ARHGAP15: variants seen among roughly 807,000 people sequenced by gnomAD.
The protein encoded by ARHGAP15 is rho GTPase-activating protein 15.
ARHGAP15 carries 51 observed loss-of-function variants against 63.7 expected under a neutral mutation model. The ratio of observed to expected loss-of-function variants is 0.80; its 90% CI spans 0.64 to 1.01. ARHGAP15 has a LOEUF of 1.01. ARHGAP15 is among the 50% of genes least tolerant of loss of function. The pLI is 0.00. For synonymous variants in ARHGAP15, 191 were observed against 193.8 expected (o/e 0.99, Z 0.12); for missense variants, 560 against 564.6 (o/e 0.99, Z 0.08).
intron 10 of ARHGAP15, among the ~76,000 whole-genome samples, chr2:143,553,599 A>T (rs150767508): frequency 6.6e-6 from 1 of 152,282 alleles, no homozygotes; most frequent in Non-Finnish European, 1.5e-5. Flanking sequence ...GCCAAAAGAA[A>T]GTTGTGTTAT....
chr2:143,147,365 C>G (rs529301013), intron 1 of ARHGAP15, among the ~76,000 whole-genome samples: 1 of 152,028 alleles, frequency 6.6e-6, no homozygotes, highest in African/African-American at 2.4e-5. Flanking sequence ...ACGCAAGAGG[C>G]GGAAAATCGC....
intron 2 of ARHGAP15, among the ~76,000 whole-genome samples, chr2:143,192,125 TATTCATTCCA>T (rs1483571321): frequency 6.6e-6 from 1 of 152,260 alleles, no homozygotes; most frequent in Non-Finnish European, 1.5e-5. Flanking sequence ...ATGACAGCTC[TATTCATTCCA>T]CAATGTCAAA....
At chr2:143,508,992 C>A (rs1436310694) in intron 9 of ARHGAP15, among the ~76,000 whole-genome samples, 1 of 152,168 alleles carries the variant, frequency 6.6e-6, no homozygotes, top group East Asian at 1.9e-4. Context: ...GAACTTTTCT[C>A]TTCTGTCAGT....
At chr2:143,563,089 G>A (rs1277462191) in intron 11 of ARHGAP15, among the ~76,000 whole-genome samples, 1 of 152,132 alleles carries the variant, frequency 6.6e-6, no homozygotes, top group East Asian at 1.9e-4. Flanking sequence ...TTGAAGGATC[G>A]ACCTCTTTAT....
intron 6 of ARHGAP15, among the ~76,000 whole-genome samples, chr2:143,336,240 T>C (rs982190402): frequency 3.9e-5 from 6 of 152,238 alleles, no homozygotes; most frequent in Admixed American, 3.3e-4. Context: ...GTAAATGTTA[T>C]GCCACAAACT....
At chr2:143,417,849 C>T (rs756043384) in intron 6 of ARHGAP15, among the ~76,000 whole-genome samples, 12 of 152,122 alleles carry the variant, frequency 7.9e-5, no homozygotes, top group South Asian at 2.1e-4. Context: ...ATCCAAATGT[C>T]ATAATATTAC....
intron 8 of ARHGAP15, among the ~76,000 whole-genome samples, chr2:143,444,299 A>C (rs958902918): frequency 6.6e-6 from 1 of 151,832 alleles, no homozygotes; most frequent in Non-Finnish European, 1.5e-5. Context: ...TAAACAAAAG[A>C]AAAAAAAAGA....
At chr2:143,522,139 A>C (rs543076554) in intron 10 of ARHGAP15, 2 of 152,280 alleles carry the variant, frequency 1.3e-5, no homozygotes, top group South Asian at 4.2e-4. Context: ...TCTACCAATA[A>C]ACTGAATGTG....
At chr2:143,407,902 G>T (rs1688270808) in intron 6 of ARHGAP15, among the ~76,000 whole-genome samples, 1 of 145,220 alleles carries the variant, frequency 6.9e-6, no homozygotes, top group African/African-American at 2.5e-5. Flanking sequence ...AGTTTTCCTA[G>T]AAAAAATTGT....
chr2:143,703,532 G>A lies in ARHGAP15; in HGVS notation c.1244+8G>A. The A allele has an allele frequency of 6.3e-7, 1 of 1,589,750 alleles. No homozygotes were observed. The highest frequency in any genetic ancestry group is 8.6e-7 in the Non-Finnish European group (1 of 1,167,284). On this transcript the variant is annotated splice_region_variant and intron_variant, in intron 13 of 13. Coordinates refer to ENST00000295095, the MANE Select transcript of ARHGAP15 (RefSeq NM_018460.4). ...CTTTGGACATCTAACTAAGTAAGTT[G>A]TAAGGATTTCTGGATGTGTCATTTT...
At chr2:143,324,524 G>A (rs1013966386) in intron 6 of ARHGAP15, among the ~76,000 whole-genome samples, 3 of 152,304 alleles carry the variant, frequency 2.0e-5, no homozygotes, top group African/African-American at 7.2e-5. Flanking sequence ...AGGAAATGAA[G>A]GCAGAGTAGA....
At chr2:143,624,684 T>G (rs1343762398) in intron 12 of ARHGAP15, among the ~76,000 whole-genome samples, 1 of 152,154 alleles carries the variant, frequency 6.6e-6, no homozygotes, top group Non-Finnish European at 1.5e-5. Context: ...ATGAAATATG[T>G]GTTAAATTAT....
chr2:143,510,121 G>A (rs533979416), intron 9 of ARHGAP15, among the ~76,000 whole-genome samples: 2 of 147,258 alleles, frequency 1.4e-5, no homozygotes, highest in African/African-American at 5.0e-5. Context: ...AAAAACTAAT[G>A]TAATTTATAG....
chr2:143,204,229 A>G (rs1461531662), intron 3 of ARHGAP15, among the ~76,000 whole-genome samples: 2 of 152,108 alleles, frequency 1.3e-5, no homozygotes, highest in Non-Finnish European at 2.9e-5. Flanking sequence ...TTTATTTTCA[A>G]CACAACAGTG....
rs953218471 is a variant in ARHGAP15 at position 143,145,933 on chromosome 2, A to C, written c.-14-9544A>C. Among the ~76,000 whole-genome samples the C allele has an allele frequency of 4.6e-5, 7 of 151,144 alleles. No individual in the cohort carries two copies. In the East Asian group the frequency reaches 1.2e-3, roughly 25 times the overall value. Reference sequence around the variant, plus strand: ...TTATTTCCATATGGAATATATATATATCTCACACCAAACACAAACATTATT... The same window carrying C: ...TTATTTCCATATGGAATATATATATCTCTCACACCAAACACAAACATTATT... On this transcript the variant is annotated intron_variant, in intron 1 of 13. Coordinates refer to ENST00000295095, the MANE Select transcript of ARHGAP15 (RefSeq NM_018460.4).
intron 12 of ARHGAP15, chr2:143,641,401 C>T (rs1202471551): frequency 2.6e-5 from 4 of 152,062 alleles, no homozygotes; most frequent in Non-Finnish European, 5.9e-5. Context: ...GATTTGCTAT[C>T]GGTTTTTACA....
chr2:143,725,344 GA>G lies in ARHGAP15; in HGVS notation c.1244+21824del, dbSNP rs550932575. ...TTAACTGACATTTTGGAATTCACCTGAAAACACCAAGAATTTGCCAAGACAA... is the reference window on the plus strand; with the variant it reads ...TTAACTGACATTTTGGAATTCACCTGAAACACCAAGAATTTGCCAAGACAA... On this transcript the variant is annotated intron_variant, in intron 13 of 13. Coordinates refer to ENST00000295095, the MANE Select transcript of ARHGAP15 (RefSeq NM_018460.4). 1.1e-3 allele frequency among the ~76,000 whole-genome samples: 166 copies of G among 152,284 alleles called. 2 individuals carry two copies. The highest frequency in any genetic ancestry group is 3.9e-3 in the African/African-American group (161 of 41,552).
chr2:143,145,713 A>G (rs1178805730), intron 1 of ARHGAP15, among the ~76,000 whole-genome samples: 3 of 151,906 alleles, frequency 2.0e-5, no homozygotes, highest in African/African-American at 7.3e-5. Context: ...GCATCTTTCA[A>G]ACTGAACCTT....
At chr2:143,661,624 G>A (rs566990720) in intron 12 of ARHGAP15, among the ~76,000 whole-genome samples, 22 of 152,252 alleles carry the variant, frequency 1.4e-4, no homozygotes, top group Non-Finnish European at 2.9e-4. Context: ...TGTGAGCGAC[G>A]CAGAAGACGG....
Sources: allele counts gnomAD v4.1 joint callset (sites outside exome capture counted in the v4.1 genomes callset), GRCh38; gene constraint gnomAD v4.1.1; transcripts MANE v1.5; gene names NCBI Gene and HGNC (gene_info 2026-07-23, HGNC 2026-07-21).